The following CAMK2D variants were observed in gnomAD, a reference collection of about 807,000 sequenced individuals.
The protein encoded by CAMK2D is calcium/calmodulin dependent protein kinase II delta, also known as calcium/calmodulin-dependent protein kinase type II subunit delta.
In CAMK2D, 37 loss-of-function variants were observed where a neutral mutation model predicts 84.0. That is an observed-to-expected ratio of 0.44 (90% CI 0.34 to 0.58). CAMK2D has a LOEUF of 0.58. Ranked by LOEUF, CAMK2D falls within the 20% of genes least tolerant of loss-of-function variation. CAMK2D has a pLI of 0.02. For synonymous variants in CAMK2D, 202 were observed against 212.5 expected, an observed-to-expected ratio of 0.95 and a Z score of 0.43; for missense variants, 448 against 652.5, an observed-to-expected ratio of 0.69 and a Z score of 3.41.
intron 2 of CAMK2D, among the ~76,000 whole-genome samples, chr4:113,708,823 C>A (rs2099473902): frequency 6.6e-6 from 1 of 152,106 alleles, no homozygotes. Flanking sequence ...CTCCCGGGTT[C>A]AAGCAATTCT....
intron 3 of CAMK2D, among the ~76,000 whole-genome samples, chr4:113,613,383 C>T (rs1383085666): frequency 2.6e-5 from 4 of 151,856 alleles, no homozygotes; most frequent in African/African-American, 4.8e-5. Context: ...AAACTACTTG[C>T]CAAATACCTG....
At chr4:113,671,991 A>T (rs2099288658) in intron 2 of CAMK2D, among the ~76,000 whole-genome samples, 1 of 152,186 alleles carries the variant, frequency 6.6e-6, no homozygotes. Flanking sequence ...AACCTCCCAG[A>T]TTGCATACAT....
chr4:113,515,085 T>C lies in CAMK2D; in HGVS notation c.803A>G (p.Lys268Arg). Reference protein sequence around the residue: ...AKRITASEALKHPWICQRSTV... With the variant: ...AKRITASEALRHPWICQRSTV... The stretch of plus-strand genomic sequence containing the variant: ...TTTACTTACACAGATCCATGGGTGC[T>C]TCAGTGCCTCTGAGGCTGTGATGCG... Residue 268 changes from lysine (K) to arginine (R), a missense_variant, in exon 10 of 21, where the codon AAG becomes AGG. Around this residue, in one of 7 missense-constraint regions of CAMK2D, gnomAD observed 69 missense variants for 175.6 expected, o/e 0.39. Coordinates refer to ENST00000511664, the MANE Select transcript of CAMK2D (RefSeq NM_001321571.2). 1 of 1,613,510 alleles carries C rather than the reference T, an allele frequency of 6.2e-7. No individual in the cohort carries two copies.
chr4:113,740,976 T>G (rs1394689899), intron 2 of CAMK2D, among the ~76,000 whole-genome samples: 2 of 151,906 alleles, frequency 1.3e-5, no homozygotes, highest in East Asian at 3.8e-4. Context: ...CATGATAAAA[T>G]CTTGTAACAC....
In CAMK2D at chr4:113,558,758, G is replaced by A. The variant is rs56779379; in HGVS notation, c.276-6662C>T. ...GTGGTGGCTCACGCCTATACTCCCT[G>A]CACTTTGGGAGGCTGAGATGGGAGG... On this transcript the variant is annotated intron_variant, in intron 4 of 20. Coordinates refer to ENST00000511664, the MANE Select transcript of CAMK2D (RefSeq NM_001321571.2). Among the ~76,000 whole-genome samples, 848 of 152,152 alleles carry A rather than the reference G, an allele frequency of 5.6e-3. 15 individuals carry two copies. The highest frequency in any genetic ancestry group is 0.02 in the African/African-American group (813 of 41,484).
chr4:113,642,149 A>G (rs947160948), intron 3 of CAMK2D, among the ~76,000 whole-genome samples: 4 of 152,220 alleles, frequency 2.6e-5, no homozygotes, highest in Admixed American at 2.6e-4. Flanking sequence ...CCATTTTATC[A>G]AGGGAATCTA....
At chr4:113,757,666 C>T (rs1231276341) in intron 2 of CAMK2D, among the ~76,000 whole-genome samples, 2 of 152,172 alleles carry the variant, frequency 1.3e-5, no homozygotes, top group African/African-American at 2.4e-5. Flanking sequence ...CATCCAGAAG[C>T]GGTAAAAAGC....
intron 2 of CAMK2D, among the ~76,000 whole-genome samples, chr4:113,718,746 C>T (rs986014972): frequency 6.6e-6 from 1 of 152,166 alleles, no homozygotes; most frequent in African/African-American, 2.4e-5. Flanking sequence ...TGAACAAGGA[C>T]AGCTTGGAAG....
chr4:113,748,814 C>T (rs1406312364), intron 2 of CAMK2D, among the ~76,000 whole-genome samples: 3 of 151,616 alleles, frequency 2.0e-5, no homozygotes, highest in Non-Finnish European at 2.9e-5. Flanking sequence ...CCATATTTCC[C>T]CAAATTCTGT....
chr4:113,589,240 C>T (rs1000484091), intron 4 of CAMK2D, among the ~76,000 whole-genome samples: 1 of 152,088 alleles, frequency 6.6e-6, no homozygotes, highest in East Asian at 1.9e-4. Context: ...TGAGAGAAGA[C>T]TATATGAAGG....
intron 13 of CAMK2D, chr4:113,508,373 G>T: frequency 1.3e-6 from 1 of 795,102 alleles, no homozygotes; most frequent in East Asian, 2.7e-5. Context: ...TTAAAGAGGA[G>T]CTATAAGTTG....
At chr4:113,667,961 A>G (rs1465379312) in intron 2 of CAMK2D, among the ~76,000 whole-genome samples, 1 of 151,700 alleles carries the variant, frequency 6.6e-6, no homozygotes, top group African/African-American at 2.4e-5. Context: ...ATTTTGAATG[A>G]AAGTTTCTAT....
At chr4:113,631,848 G>A (rs375592185) in intron 3 of CAMK2D, among the ~76,000 whole-genome samples, 1 of 152,164 alleles carries the variant, frequency 6.6e-6, no homozygotes, top group Admixed American at 6.6e-5. Context: ...TGGATGATGA[G>A]CATGCTTTAC....
At chr4:113,645,982 G>T (rs1200015963) in intron 3 of CAMK2D, among the ~76,000 whole-genome samples, 1 of 152,228 alleles carries the variant, frequency 6.6e-6, no homozygotes, top group Non-Finnish European at 1.5e-5. Flanking sequence ...GTTAAGGAAG[G>T]TCAGGCAGTA....
intron 4 of CAMK2D, among the ~76,000 whole-genome samples, chr4:113,600,067 T>C (rs1488225613): frequency 1.3e-5 from 2 of 152,154 alleles, no homozygotes; most frequent in African/African-American, 4.8e-5. Context: ...ATTCTAACTA[T>C]ATGATATTCT....
chr4:113,589,114 T>C lies in CAMK2D; in HGVS notation c.275+20038A>G, dbSNP rs1331221323. Among the ~76,000 whole-genome samples the C allele has an allele frequency of 1.3e-5, 2 of 151,980 alleles. 1 individual carries two copies. The highest frequency in any genetic ancestry group is 2.9e-5 in the Non-Finnish European group (2 of 67,976). On this transcript the variant is annotated intron_variant, in intron 4 of 20. Transcript: ENST00000511664. ...ATGTCCCAGGCTGTGAGGTAGGCAG[T>C]GTGGCTGGGGCTGAGTGGGTCAGAA...
chr4:113,615,508 A>T (rs1419057226), intron 3 of CAMK2D, among the ~76,000 whole-genome samples: 8 of 152,192 alleles, frequency 5.3e-5, no homozygotes, highest in African/African-American at 1.9e-4. Flanking sequence ...CTAAGTTCAA[A>T]ATCAAACTAA....
chr4:113,469,491 C>G (rs1222969296), intron 16 of CAMK2D, among the ~76,000 whole-genome samples: 1 of 152,176 alleles, frequency 6.6e-6, no homozygotes, highest in Non-Finnish European at 1.5e-5. Flanking sequence ...TTGAGTCCCT[C>G]TCCTTATCTC....
chr4:113,654,526 T>C (rs1412248151), intron 3 of CAMK2D, among the ~76,000 whole-genome samples: 1 of 151,994 alleles, frequency 6.6e-6, no homozygotes, highest in African/African-American at 2.4e-5. Context: ...ATATTGAAAG[T>C]TTTTTAGTTA....
Sources: gnomAD v4.1 joint callset for allele counts (sites outside exome capture counted in the v4.1 genomes callset) on GRCh38, gnomAD v4.1.1 for gene constraint, gnomAD v4.1.1 regional missense constraint, MANE v1.5 for transcripts, NCBI Gene and HGNC (gene_info 2026-07-23, HGNC 2026-07-21) for gene names.